The following KLRG1 variants were observed in gnomAD, a reference collection of about 807,000 sequenced individuals.
KLRG1 encodes the protein killer cell lectin-like receptor subfamily G member 1.
Under a neutral mutation model 21.8 loss-of-function variants are expected in KLRG1, and 16 were observed. The ratio of observed to expected loss-of-function variants is 0.73; its 90% CI spans 0.50 to 1.11. The LOEUF (loss-of-function observed/expected upper bound fraction) is 1.11. Among genes scored for constraint, KLRG1 ranks in the 50% most tolerant of loss-of-function variants. The pLI, the probability that KLRG1 is intolerant of heterozygous loss-of-function variation, is 0.00. For missense variants in KLRG1, 173 were observed against 218.3 expected, an observed-to-expected ratio of 0.79 and a Z score of 1.31; for synonymous variants, 69 against 75.9, an observed-to-expected ratio of 0.91 and a Z score of 0.47.
intron 1 of KLRG1, among the ~76,000 whole-genome samples, chr12:8,979,733 G>A (rs1025936855): frequency 6.6e-6 from 1 of 151,890 alleles, no homozygotes. Flanking sequence ...AAATCCTGGA[G>A]GTTTTCTTTT....
intron 3 of KLRG1, among the ~76,000 whole-genome samples, chr12:9,006,754 A>G (rs530452006): frequency 1.3e-5 from 2 of 152,212 alleles, no homozygotes; most frequent in Non-Finnish European, 2.9e-5. Context: ...CAAGAATTTC[A>G]TAACTGGAAA....
chr12:9,109,866 C>G, the KLRG1 span: 6 of 1,594,620 alleles, frequency 3.8e-6, no homozygotes, highest in African/African-American at 1.4e-5. Flanking sequence ...ATGATCCATA[C>G]CAAATTCCTC....
At chr12:9,160,724 T>C in the KLRG1 span, among the ~76,000 whole-genome samples, 1 of 151,976 alleles carries the variant, frequency 6.6e-6, no homozygotes, top group Non-Finnish European at 1.5e-5. Flanking sequence ...ACCATCCTGG[T>C]GAACACGGTG....
At chr12:9,164,162 A>G in the KLRG1 span, 8 of 1,611,812 alleles carry the variant, frequency 5.0e-6, no homozygotes, top group Non-Finnish European at 6.8e-6. Context: ...TGTCCAAGAC[A>G]AGGTTTGTCT....
chr12:9,098,728 C>T, the KLRG1 span: 3 of 1,612,970 alleles, frequency 1.9e-6, no homozygotes, highest in Non-Finnish European at 2.5e-6. Flanking sequence ...GGCTGGGAGA[C>T]TTTGTGATGG....
At chr12:8,978,931 T>G (rs1565541373) in intron 1 of KLRG1, among the ~76,000 whole-genome samples, 1 of 151,578 alleles carries the variant, frequency 6.6e-6, no homozygotes, top group Non-Finnish European at 1.5e-5. Flanking sequence ...ACCAGGCTGG[T>G]CTTGAACTCC....
chr12:8,963,942 C>T (rs1276045666), intron 1 of KLRG1, among the ~76,000 whole-genome samples: 1 of 152,088 alleles, frequency 6.6e-6, no homozygotes, highest in Non-Finnish European at 1.5e-5. Flanking sequence ...CTTTATTAGT[C>T]TTGCTAGTGG....
At chr12:9,153,194 C>G in the KLRG1 span, 2 of 1,614,098 alleles carry the variant, frequency 1.2e-6, no homozygotes, top group Admixed American at 3.3e-5. Context: ...GCAATGAGAT[C>G]TGCTGCAGTA....
chr12:9,199,906 A>G, the KLRG1 span, among the ~76,000 whole-genome samples: 1 of 152,178 alleles, frequency 6.6e-6, no homozygotes, highest in African/African-American at 2.4e-5. Context: ...AGGAGTCATA[A>G]TAACCAAAAC....
chr12:9,095,524 A>G, the KLRG1 span: 2 of 1,605,772 alleles, frequency 1.2e-6, no homozygotes, highest in Non-Finnish European at 8.5e-7. Context: ...ACCATCTGCA[A>G]CATAAGGAGT....
the KLRG1 span, among the ~76,000 whole-genome samples, chr12:9,039,889 A>C: frequency 9.2e-5 from 14 of 152,370 alleles, no homozygotes; most frequent in East Asian, 1.7e-3. Flanking sequence ...TTTGATTAGC[A>C]AAAATGCCTG....
the KLRG1 span, chr12:9,208,451 A>C: frequency 1.3e-6 from 1 of 766,592 alleles, no homozygotes; most frequent in East Asian, 2.7e-5. Context: ...AACAAGCCCC[A>C]CCCCAAGGCC....
intron 3 of KLRG1, among the ~76,000 whole-genome samples, chr12:9,008,053 G>C (rs1387056618): frequency 6.6e-6 from 1 of 152,086 alleles, no homozygotes; most frequent in African/African-American, 2.4e-5. Flanking sequence ...GGGTAACGTG[G>C]CACACATAAG....
intron 1 of KLRG1, among the ~76,000 whole-genome samples, chr12:8,969,796 T>G (rs1246738450): frequency 6.6e-6 from 1 of 151,816 alleles, no homozygotes; most frequent in African/African-American, 2.4e-5. Context: ...GGAGGTAAAA[T>G]CACTATAGAT....
At chr12:9,088,255 GT>G in the KLRG1 span, among the ~76,000 whole-genome samples, 9,719 of 148,090 alleles carry the variant, frequency 0.066, 1,043 homozygotes, top group African/African-American at 0.22. Flanking sequence ...GTGATGTTCT[GT>G]TTTTTTTTTT....
At chr12:9,031,951 G>C in the KLRG1 span, among the ~76,000 whole-genome samples, 3 of 152,302 alleles carry the variant, frequency 2.0e-5, no homozygotes, top group South Asian at 6.2e-4. Flanking sequence ...CAAAGTCAAA[G>C]TGTTGGCAGG....
chr12:8,963,648 G>A (rs762122136), intron 1 of KLRG1, among the ~76,000 whole-genome samples: 8 of 152,204 alleles, frequency 5.3e-5, no homozygotes, highest in Non-Finnish European at 1.2e-4. Context: ...GAATTCGGCT[G>A]TGAATCCATC....
the KLRG1 span, chr12:9,091,131 A>C: frequency 6.5e-7 from 1 of 1,527,364 alleles, no homozygotes; most frequent in East Asian, 2.3e-5. Context: ...AGTTTGCAGT[A>C]TTCCTAGGAA....
the KLRG1 span, among the ~76,000 whole-genome samples, chr12:9,022,837 C>T: frequency 9.2e-5 from 14 of 152,270 alleles, no homozygotes; most frequent in East Asian, 1.2e-3. Flanking sequence ...TGTAATGAAG[C>T]TTCCATAAAA....
Sources: gnomAD v4.1 joint callset for allele counts (sites outside exome capture counted in the v4.1 genomes callset) on GRCh38, gnomAD v4.1.1 for gene constraint, MANE v1.5 for transcripts, NCBI Gene and HGNC (gene_info 2026-07-23, HGNC 2026-07-21) for gene names.